The following WDR7 variants were observed in gnomAD, a reference collection of about 807,000 sequenced individuals.
WDR7 encodes the protein WD repeat domain 7.
WDR7 carries 46 observed loss-of-function variants against 169.4 expected under a neutral mutation model. The observed-to-expected ratio is 0.27, with a 90% confidence interval of 0.21 to 0.35. The LOEUF (loss-of-function observed/expected upper bound fraction) is 0.35, where lower values mean the gene tolerates loss of function less well. Ranked by LOEUF, WDR7 falls within the 10% of genes least tolerant of loss-of-function variation. WDR7 has a pLI of 1.00. For missense variants in WDR7, 1,534 were observed against 1,859.3 expected (o/e 0.83, Z 3.22); for synonymous variants, 612 against 666.8 (o/e 0.92, Z 1.27).
At chr18:56,691,545 T>G (rs1404891263) in intron 8 of WDR7, among the ~76,000 whole-genome samples, 170 bp from the exon 9 acceptor site, 1 of 152,222 alleles carries the variant, frequency 6.6e-6, no homozygotes, top group African/African-American at 2.4e-5. Flanking sequence ...AGGTGGATTT[T>G]TATTTGAAGG....
intron 25 of WDR7, among the ~76,000 whole-genome samples, chr18:56,946,063 G>A (rs2047099182): frequency 6.6e-6 from 1 of 152,110 alleles, no homozygotes; most frequent in Non-Finnish European, 1.5e-5. Flanking sequence ...TCATTAATCA[G>A]GTTTTATCTA....
intron 21 of WDR7, among the ~76,000 whole-genome samples, chr18:56,920,225 T>C (rs2046695416): frequency 6.6e-6 from 1 of 152,190 alleles, no homozygotes. Flanking sequence ...TTTAACTGGC[T>C]AATTCCTACT....
chr18:57,002,112 T>G (rs2047990293), intron 26 of WDR7, among the ~76,000 whole-genome samples: 1 of 152,204 alleles, frequency 6.6e-6, no homozygotes, highest in Non-Finnish European at 1.5e-5. Context: ...ATAATATCTA[T>G]ATTTTTAAAT....
At chr18:56,782,966 G>A (rs2044341990) in intron 19 of WDR7, among the ~76,000 whole-genome samples, 1 of 152,070 alleles carries the variant, frequency 6.6e-6, no homozygotes, top group Non-Finnish European at 1.5e-5. Context: ...CTAGCCCATA[G>A]TAAGCATAAT....
intron 26 of WDR7, among the ~76,000 whole-genome samples, chr18:56,971,493 A>G (rs959433587): frequency 1.3e-5 from 2 of 152,184 alleles, no homozygotes; most frequent in Non-Finnish European, 2.9e-5. Flanking sequence ...CCCTCAGGGA[A>G]CATAATTTGG....
intron 21 of WDR7, among the ~76,000 whole-genome samples, chr18:56,909,006 A>C (rs1010306014): frequency 6.6e-6 from 1 of 152,206 alleles, no homozygotes; most frequent in Non-Finnish European, 1.5e-5. Context: ...ACATATGTAC[A>C]GGAGTATGGA....
chr18:56,829,887 A>G (rs574899863), intron 20 of WDR7, among the ~76,000 whole-genome samples: 1 of 151,994 alleles, frequency 6.6e-6, no homozygotes, highest in Admixed American at 6.5e-5. Flanking sequence ...CCCAATTTTT[A>G]TTGACCATAG....
chr18:56,845,280 T>C (rs1323332272), intron 20 of WDR7, among the ~76,000 whole-genome samples: 10 of 152,152 alleles, frequency 6.6e-5, no homozygotes, highest in Admixed American at 6.5e-4. Context: ...CAAAGCTCTG[T>C]AGTGTTTCTA....
intron 7 of WDR7, among the ~76,000 whole-genome samples, chr18:56,689,964 C>T (rs2025529416): frequency 6.6e-6 from 1 of 151,944 alleles, no homozygotes; most frequent in East Asian, 1.9e-4. Flanking sequence ...AGGATGTGTT[C>T]TAACTTCAAG....
At chr18:56,843,024 A>C (rs2045510538) in intron 20 of WDR7, among the ~76,000 whole-genome samples, 2 of 152,216 alleles carry the variant, frequency 1.3e-5, no homozygotes, top group African/African-American at 4.8e-5. Flanking sequence ...TAGTGCTATA[A>C]GCAGCTGGAA....
At chr18:56,874,887 T>G (rs1599119686) in intron 20 of WDR7, among the ~76,000 whole-genome samples, 1 of 151,516 alleles carries the variant, frequency 6.6e-6, no homozygotes, top group Non-Finnish European at 1.5e-5. Context: ...AAGTAAGTAA[T>G]ACTCTGGTGT....
intron 26 of WDR7, among the ~76,000 whole-genome samples, chr18:56,995,571 T>C (rs534122461): frequency 8.5e-5 from 13 of 152,352 alleles, no homozygotes; most frequent in African/African-American, 2.4e-4. Flanking sequence ...TTTTGAACTT[T>C]TCCTAGTTCT....
At chr18:56,894,761 C>T (rs914676580) in intron 21 of WDR7, among the ~76,000 whole-genome samples, 1 of 152,026 alleles carries the variant, frequency 6.6e-6, no homozygotes, top group Non-Finnish European at 1.5e-5. Flanking sequence ...CTTGTAGTAT[C>T]TTACATTTTA....
intron 13 of WDR7, among the ~76,000 whole-genome samples, chr18:56,720,210 A>G (rs1239854165): frequency 1.3e-5 from 2 of 152,116 alleles, no homozygotes; most frequent in East Asian, 3.9e-4. Flanking sequence ...ACTTTGGGAG[A>G]TGGAGGGGAG....
chr18:56,706,633 C>T (rs1462151661), intron 12 of WDR7, among the ~76,000 whole-genome samples: 3 of 152,008 alleles, frequency 2.0e-5, no homozygotes, highest in Non-Finnish European at 2.9e-5. Context: ...TAAATCTGGG[C>T]AGTTTGTACG....
intron 21 of WDR7, among the ~76,000 whole-genome samples, chr18:56,881,243 T>C (rs2046103748): frequency 6.6e-6 from 1 of 152,190 alleles, no homozygotes; most frequent in African/African-American, 2.4e-5. Context: ...AATCTCTTGA[T>C]CTCAGTTTGA....
intron 20 of WDR7, among the ~76,000 whole-genome samples, chr18:56,837,565 A>G (rs1399963410): frequency 6.6e-6 from 1 of 152,234 alleles, no homozygotes; most frequent in East Asian, 1.9e-4. Context: ...AATAAGTGAA[A>G]ACATAGCTTG....
rs144126514 is a variant in WDR7 at position 56,842,093 on chromosome 18, C to A, written c.3304+25949C>A. On this transcript the variant is annotated intron_variant, in intron 20 of 27. Transcript: ENST00000254442. ...ACTGCTTCATCTTCCCTGACCCCCA[C>A]GCTAGTCATCATCAACATATTTGTT... 8.1e-3 allele frequency among the ~76,000 whole-genome samples: 1,237 copies of A among 152,240 alleles called. 21 individuals are homozygous for A. Among genetic ancestry groups the A allele is most frequent in the African/African-American group, 0.026 (1,085 of 41,544 alleles).
intron 20 of WDR7, among the ~76,000 whole-genome samples, chr18:56,854,124 G>A (rs2045681797): frequency 1.3e-5 from 2 of 149,656 alleles, no homozygotes; most frequent in African/African-American, 2.5e-5. Context: ...CTAAATGTAC[G>A]GGGATTTCTC....
Sources: allele counts gnomAD v4.1 joint callset (sites outside exome capture counted in the v4.1 genomes callset), GRCh38; gene constraint gnomAD v4.1.1; transcripts MANE v1.5; gene names NCBI Gene and HGNC (gene_info 2026-07-23, HGNC 2026-07-21).